Variants in SGCD observed in about 807,000 individuals in gnomAD.
SGCD encodes the protein sarcoglycan delta.
Under a neutral mutation model 36.6 loss-of-function variants are expected in SGCD, and 18 were observed. The observed-to-expected ratio is 0.49, with a 90% CI of 0.34 to 0.73. The LOEUF (loss-of-function observed/expected upper bound fraction) is 0.73. Ranked by LOEUF, SGCD falls within the 30% of genes least tolerant of loss-of-function variation. The probability of loss-of-function intolerance (pLI) is 0.01; values close to 1 mark genes in which losing one functional copy is unlikely to be tolerated. For missense variants in SGCD, 387 were observed against 346.7 expected, an observed-to-expected ratio of 1.12 and a Z score of -0.92; for synonymous variants, 133 against 130.6, an observed-to-expected ratio of 1.02 and a Z score of -0.12.
rs139011561 is a variant in SGCD at position 156,281,447 on chromosome 5, G to A, written c.-43-48087G>A. Among the ~76,000 whole-genome samples the A allele has an allele frequency of 3.0e-3, 455 of 152,280 alleles. 3 individuals are homozygous for A. The highest frequency in any genetic ancestry group is 0.011 in the African/African-American group (439 of 41,566). On this transcript the variant is annotated intron_variant, in intron 3 of 9. Coordinates refer to the SGCD transcript ENST00000517913. ...GAGAGGGTATCCTGTGTGCCTGTGT[G>A]TGGAAAGCGGGGAGTGGTAGTCATG...
chr5:155,839,627 C>T, the SGCD span, among the ~76,000 whole-genome samples: 1 of 152,076 alleles, frequency 6.6e-6, no homozygotes. Flanking sequence ...TCCTTCTCCC[C>T]CATTGAATTT....
intron 1 of SGCD, among the ~76,000 whole-genome samples, chr5:155,964,570 T>G (rs556816631): frequency 6.6e-6 from 1 of 152,242 alleles, no homozygotes; most frequent in Non-Finnish European, 1.5e-5. Flanking sequence ...ACTCCTGACC[T>G]CAAGCCTTGG....
chr5:156,667,929 T>C (rs1753121606), intron 7 of SGCD, among the ~76,000 whole-genome samples: 2 of 152,176 alleles, frequency 1.3e-5, no homozygotes, highest in Non-Finnish European at 2.9e-5. Context: ...ACAAAATAAC[T>C]ACTGTGCTTA....
chr5:156,492,042 C>T (rs1755969800), intron 3 of SGCD, among the ~76,000 whole-genome samples: 1 of 151,980 alleles, frequency 6.6e-6, no homozygotes, highest in Non-Finnish European at 1.5e-5. Context: ...ACCACAAAGC[C>T]TAAAAAAAGT....
chr5:156,667,057 A>G (rs537418604), intron 7 of SGCD, among the ~76,000 whole-genome samples: 2 of 152,332 alleles, frequency 1.3e-5, no homozygotes, highest in South Asian at 4.1e-4. Flanking sequence ...TTGAGGACTG[A>G]CATAAAGCTC....
chr5:156,091,340 A>G (rs1483866382), intron 1 of SGCD, among the ~76,000 whole-genome samples: 2 of 152,200 alleles, frequency 1.3e-5, no homozygotes, highest in African/African-American at 4.8e-5. Flanking sequence ...CCTTCCCACA[A>G]CACACTACCA....
the SGCD span, among the ~76,000 whole-genome samples, chr5:155,752,932 A>G: frequency 6.6e-6 from 1 of 152,190 alleles, no homozygotes; most frequent in African/African-American, 2.4e-5. Context: ...CAGCACATAG[A>G]GTGTGGTACT....
chr5:156,062,084 C>A (rs1437595069), intron 1 of SGCD, among the ~76,000 whole-genome samples: 1 of 77,504 alleles, frequency 1.3e-5, no homozygotes, highest in Non-Finnish European at 2.3e-5. Flanking sequence ...CCTCCCCCCT[C>A]CCCCGACCCC....
the SGCD span, among the ~76,000 whole-genome samples, chr5:155,744,310 A>G: frequency 1.3e-5 from 2 of 152,150 alleles, no homozygotes; most frequent in Middle Eastern, 6.8e-3. Flanking sequence ...AAATACAAAA[A>G]TTAATCAGGT....
intron 1 of SGCD, among the ~76,000 whole-genome samples, chr5:155,939,390 C>G (rs1428057997): frequency 1.3e-5 from 2 of 151,936 alleles, no homozygotes; most frequent in African/African-American, 4.8e-5. Context: ...CCTGTAATCC[C>G]AGCACTTTGG....
chr5:155,930,682 G>A (rs1178890216), intron 1 of SGCD, among the ~76,000 whole-genome samples: 1 of 152,158 alleles, frequency 6.6e-6, no homozygotes, highest in East Asian at 1.9e-4. Context: ...TATTATGTAT[G>A]ATAGTCTGAA....
intron 3 of SGCD, among the ~76,000 whole-genome samples, chr5:156,417,601 G>T (rs781037326): frequency 6.6e-6 from 1 of 152,018 alleles, no homozygotes; most frequent in Non-Finnish European, 1.5e-5. Context: ...TTCTGATGAG[G>T]GCTGTCTTCC....
rs540172352 is a variant in SGCD at position 156,509,314 on chromosome 5, A to G, written c.294+612A>G. On this transcript the variant is annotated intron_variant, in intron 4 of 8. Transcript: ENST00000337851. ...GTGGTGAGCACCTGTAATCTTAGCT[A>G]CTAGGGAGGCTGATGCAGGAGAATT... Among the ~76,000 whole-genome samples the G allele has an allele frequency of 3.3e-5, 5 of 152,260 alleles. No individual in the cohort carries two copies. The East Asian group carries it at 7.7e-4, about 24-fold the overall frequency.
intron 1 of SGCD, among the ~76,000 whole-genome samples, chr5:155,888,071 A>G (rs540391959): frequency 6.6e-6 from 1 of 152,356 alleles, no homozygotes; most frequent in South Asian, 2.1e-4. Context: ...GTTCACCACT[A>G]TGAGATTCTG....
the SGCD span, among the ~76,000 whole-genome samples, chr5:155,863,066 T>C: frequency 6.6e-6 from 1 of 152,200 alleles, no homozygotes; most frequent in Non-Finnish European, 1.5e-5. Flanking sequence ...AAGATAGATA[T>C]CCATGTATCT....
chr5:155,811,292 C>G, the SGCD span, among the ~76,000 whole-genome samples: 1 of 152,126 alleles, frequency 6.6e-6, no homozygotes, highest in Non-Finnish European at 1.5e-5. Context: ...GCAACAACAA[C>G]AACAACAACA....
intron 3 of SGCD, among the ~76,000 whole-genome samples, chr5:156,412,910 C>T (rs2127770901): frequency 6.6e-6 from 1 of 151,484 alleles, no homozygotes; most frequent in South Asian, 2.1e-4. Flanking sequence ...ATTCTCCTGC[C>T]TCAGCCTCCT....
chr5:156,410,680 G>C (rs570229071), intron 3 of SGCD, among the ~76,000 whole-genome samples: 10 of 152,120 alleles, frequency 6.6e-5, no homozygotes, highest in Non-Finnish European at 5.9e-5. Context: ...TTAACCCAGC[G>C]AATGAACCTG....
chr5:156,200,290 T>A (rs1358092878), intron 3 of SGCD, among the ~76,000 whole-genome samples: 1 of 152,056 alleles, frequency 6.6e-6, no homozygotes, highest in Non-Finnish European at 1.5e-5. Flanking sequence ...GTAATCAAGA[T>A]GTTGTGGTAC....
Sources: allele counts gnomAD v4.1 joint callset (sites outside exome capture counted in the v4.1 genomes callset), GRCh38; gene constraint gnomAD v4.1.1; transcripts MANE v1.5; gene names NCBI Gene and HGNC (gene_info 2026-07-23, HGNC 2026-07-21).